Variants in ADAMTSL1 observed in about 807,000 individuals in gnomAD.
ADAMTSL1 encodes the protein ADAMTS like 1, also known as ADAMTS-like protein 1.
In ADAMTSL1, 126 loss-of-function variants were observed where a neutral mutation model predicts 201.8. The observed-to-expected ratio is 0.62, with a 90% confidence interval of 0.54 to 0.72. The LOEUF (loss-of-function observed/expected upper bound fraction) is 0.72. Ranked by LOEUF, ADAMTSL1 falls within the 30% of genes least tolerant of loss-of-function variation. ADAMTSL1 has a pLI of 0.00. For synonymous variants in ADAMTSL1, 1,121 were observed against 903.4 expected (o/e 1.24, Z -4.32); for missense variants, 2,679 against 2,277.8 (o/e 1.18, Z -3.59).
At chr9:18,725,389 C>T (rs1476146984) in intron 15 of ADAMTSL1, among the ~76,000 whole-genome samples, 1 of 152,258 alleles carries the variant, frequency 6.6e-6, no homozygotes, top group East Asian at 1.9e-4. Context: ...AGATGTTAAT[C>T]CCTTCACAAC....
At chr9:18,780,351 A>G (rs1821322352) in intron 19 of ADAMTSL1, among the ~76,000 whole-genome samples, 1 of 152,164 alleles carries the variant, frequency 6.6e-6, no homozygotes, top group Non-Finnish European at 1.5e-5. Context: ...TAAAACTCAT[A>G]TGCTGATGGG....
At chr9:18,827,743 G>C (rs146588628) in intron 22 of ADAMTSL1, among the ~76,000 whole-genome samples, 3 of 152,122 alleles carry the variant, frequency 2.0e-5, no homozygotes, top group Admixed American at 2.0e-4. Flanking sequence ...ATGTTCTGTA[G>C]GCAGGTGCTT....
chr9:18,903,910 T>C (rs775063204), intron 26 of ADAMTSL1, among the ~76,000 whole-genome samples: 1 of 151,928 alleles, frequency 6.6e-6, no homozygotes, highest in African/African-American at 2.4e-5. Flanking sequence ...TGTTCAAAGG[T>C]CAACTATACT....
In ADAMTSL1 at chr9:18,893,393, G is replaced by GA. The variant is rs1482693457; in HGVS notation, c.4851+802dup. ...CAGTGATTATGTTTCCTAACAGAGAGAAAAATACATAGGTCTTGCTCCCTT... is the reference window on the plus strand; with the variant it reads ...CAGTGATTATGTTTCCTAACAGAGAGAAAAAATACATAGGTCTTGCTCCCTT... On this transcript the variant is annotated intron_variant, in intron 26 of 28. Coordinates refer to ENST00000380548, the MANE Select transcript of ADAMTSL1 (RefSeq NM_001040272.6). Among the ~76,000 whole-genome samples the GA allele has an allele frequency of 4.6e-5, 7 of 152,310 alleles. No homozygotes were observed. The East Asian group carries it at 1.2e-3, about 25-fold the overall frequency.
intron 1 of ADAMTSL1, among the ~76,000 whole-genome samples, chr9:18,077,414 A>G (rs924473301): frequency 6.6e-6 from 1 of 152,206 alleles, no homozygotes; most frequent in Non-Finnish European, 1.5e-5. Context: ...ACAGCTAGAA[A>G]CTAAGGTGGA....
chr9:17,974,742 T>C (rs1818369528), intron 1 of ADAMTSL1, among the ~76,000 whole-genome samples: 1 of 152,110 alleles, frequency 6.6e-6, no homozygotes, highest in South Asian at 2.1e-4. Context: ...TATATGTGTG[T>C]ATATTTGTGT....
intron 2 of ADAMTSL1, among the ~76,000 whole-genome samples, chr9:18,257,836 T>G (rs915398233): frequency 6.6e-6 from 1 of 152,230 alleles, no homozygotes; most frequent in Non-Finnish European, 1.5e-5. Context: ...AGAGTTATAA[T>G]GAATCTTACA....
At chr9:18,498,587 C>T (rs189394139) in intron 1 of ADAMTSL1, among the ~76,000 whole-genome samples, 99 of 152,306 alleles carry the variant, frequency 6.5e-4, no homozygotes, top group African/African-American at 2.2e-3. Flanking sequence ...ATCCGCCCGC[C>T]TCGGCCTCCC....
intron 1 of ADAMTSL1, among the ~76,000 whole-genome samples, chr9:18,489,121 TTTTCCCAGGTAA>T (rs1374345694): frequency 6.6e-6 from 1 of 152,166 alleles, no homozygotes; most frequent in Non-Finnish European, 1.5e-5. Flanking sequence ...ACATTGGCAA[TTTTCCCAGGTAA>T]TTTGAATGTA....
chr9:18,889,688 C>T lies in ADAMTSL1; in HGVS notation c.4583C>T (p.Ala1528Val), dbSNP rs749137938. 2.5e-6 allele frequency: 4 copies of T among 1,595,284 alleles called. No individual in the cohort carries two copies. The highest frequency in any genetic ancestry group is 1.1e-5 in the South Asian group (1 of 89,372). Reference sequence around the variant, plus strand: ...ACGGAGGTCAACCCTGCCCACTGCGCAGGGAAGGTTCGCCCTGCGGTGCAG... The same window carrying T: ...ACGGAGGTCAACCCTGCCCACTGCGTAGGGAAGGTTCGCCCTGCGGTGCAG... ...NSTEVNPAHC[A>V]GKVRPAVQPI... Residue 1528 changes from alanine to valine, a missense_variant, in exon 25 of 29, where the codon GCA becomes GTA. Ala to Val is a moderately conservative substitution (Grantham distance 64, BLOSUM62 0). Coordinates refer to ENST00000380548, the MANE Select transcript of ADAMTSL1 (RefSeq NM_001040272.6).
At chr9:18,179,405 G>A (rs1443664790) in intron 2 of ADAMTSL1, among the ~76,000 whole-genome samples, 1 of 152,226 alleles carries the variant, frequency 6.6e-6, no homozygotes, top group Non-Finnish European at 1.5e-5. Flanking sequence ...TCTGACTGGT[G>A]TACCTGAAAG....
chr9:18,483,079 C>A (rs1030656624), intron 1 of ADAMTSL1, among the ~76,000 whole-genome samples: 1 of 152,120 alleles, frequency 6.6e-6, no homozygotes, highest in Non-Finnish European at 1.5e-5. Context: ...TTGATGCATG[C>A]GGAATGTGAC....
intron 1 of ADAMTSL1, among the ~76,000 whole-genome samples, chr9:18,049,924 G>A (rs937103022): frequency 1.8e-4 from 27 of 151,846 alleles, no homozygotes; most frequent in Admixed American, 1.3e-4. Context: ...TGCCCGGCCC[G>A]GACTTCTGAT....
At chr9:18,536,143 A>T (rs1819758840) in intron 3 of ADAMTSL1, among the ~76,000 whole-genome samples, 1 of 152,188 alleles carries the variant, frequency 6.6e-6, no homozygotes, top group African/African-American at 2.4e-5. Flanking sequence ...ACACAAAAAA[A>T]ATTTTAAGAA....
chr9:18,067,385 C>T (rs1822754327), intron 1 of ADAMTSL1, among the ~76,000 whole-genome samples: 3 of 152,154 alleles, frequency 2.0e-5, no homozygotes, highest in Admixed American at 2.0e-4. Flanking sequence ...AGCAGATACT[C>T]CTCTTCCTCC....
intron 2 of ADAMTSL1, among the ~76,000 whole-genome samples, chr9:18,394,228 G>A (rs760226280): frequency 4.6e-5 from 7 of 152,082 alleles, no homozygotes; most frequent in Non-Finnish European, 7.4e-5. Flanking sequence ...AAAAATTAGC[G>A]GGGGATTGCA....
chr9:18,378,278 G>A (rs1837395877), intron 2 of ADAMTSL1, among the ~76,000 whole-genome samples: 1 of 152,138 alleles, frequency 6.6e-6, no homozygotes, highest in Non-Finnish European at 1.5e-5. Flanking sequence ...GTGAAGCTCA[G>A]GTGTCTGGCA....
At chr9:18,626,861 T>TTCTG (rs1826399672) in intron 5 of ADAMTSL1, among the ~76,000 whole-genome samples, 1 of 133,702 alleles carries the variant, frequency 7.5e-6, no homozygotes, top group South Asian at 2.3e-4. Flanking sequence ...CTTTCTTTCT[T>TTCTG]TCTTTCTGTC....
At chr9:17,933,449 C>T (rs1034686117) in intron 1 of ADAMTSL1, among the ~76,000 whole-genome samples, 1 of 152,148 alleles carries the variant, frequency 6.6e-6, no homozygotes, top group African/African-American at 2.4e-5. Flanking sequence ...TTGGGAGTCT[C>T]ATCAGTCTAC....
Sources: allele counts gnomAD v4.1 joint callset (sites outside exome capture counted in the v4.1 genomes callset), GRCh38; gene constraint gnomAD v4.1.1; transcripts MANE v1.5; gene names NCBI Gene and HGNC (gene_info 2026-07-23, HGNC 2026-07-21).